Variants in PLEKHA5 observed in about 807,000 individuals in gnomAD.
The protein encoded by PLEKHA5 is pleckstrin homology domain containing A5.
A neutral mutation model predicts 181.9 loss-of-function variants in PLEKHA5; 55 were observed. The observed-to-expected ratio is 0.30, with a 90% CI of 0.24 to 0.38. The LOEUF is 0.38. Among genes scored for constraint, PLEKHA5 ranks in the 10% least tolerant of loss-of-function variants. The pLI is 1.00. For synonymous variants in PLEKHA5, 535 were observed against 529.4 expected, an observed-to-expected ratio of 1.01 and a Z score of -0.15; for missense variants, 1,432 against 1,549.5, an observed-to-expected ratio of 0.92 and a Z score of 1.27.
At chr12:19,212,048 C>T (rs2057020554) in intron 3 of PLEKHA5, among the ~76,000 whole-genome samples, 1 of 152,164 alleles carries the variant, frequency 6.6e-6, no homozygotes, top group Non-Finnish European at 1.5e-5. Context: ...TGCAGGAGCT[C>T]AGTCCAAACC....
rs771452533 is a variant in PLEKHA5, at chr12:19,298,987, TCA to T, written c.2037+7293_2037+7294del. 2.6e-5 allele frequency among the ~76,000 whole-genome samples: 4 copies of T among 152,366 alleles called. No individual in the cohort carries two copies. The East Asian group carries it at 7.7e-4, about 29-fold the overall frequency. On this transcript the variant is annotated intron_variant, in intron 15 of 31. Coordinates refer to ENST00000429027, the MANE Select transcript of PLEKHA5 (RefSeq NM_001256470.2). ...GCTGGGACAGCCTGACACCAGTCTC[TCA>T]CAGTCTGGCTGACTGATGAAGAAGA...
At chr12:19,229,646 T>C (rs1382581463) in intron 3 of PLEKHA5, among the ~76,000 whole-genome samples, 2 of 152,170 alleles carry the variant, frequency 1.3e-5, no homozygotes, top group Non-Finnish European at 2.9e-5. Context: ...CAGCAAGATA[T>C]ATCGCAAAGA....
intron 3 of PLEKHA5, chr12:19,207,484 TTTAAC>T (rs2055865821): frequency 6.6e-6 from 1 of 152,196 alleles, no homozygotes; most frequent in South Asian, 2.1e-4. Context: ...CATCTGCTCA[TTTAAC>T]TTAACATCTA....
chr12:19,200,469 T>C (rs1456975597), intron 3 of PLEKHA5: 1 of 1,414,318 alleles, frequency 7.1e-7, no homozygotes, highest in Non-Finnish European at 9.2e-7. Flanking sequence ...ATTGTCTTCG[T>C]TATCCAGTAG....
At chr12:19,352,276 T>C (rs1221963080) in intron 25 of PLEKHA5, among the ~76,000 whole-genome samples, 1 of 151,374 alleles carries the variant, frequency 6.6e-6, no homozygotes, top group East Asian at 2.0e-4. Context: ...TCCCACCTAC[T>C]CAGGAGGCTG....
chr12:19,291,521 TGTC>T (rs2078446608), intron 14 of PLEKHA5, 120 bp from the exon 15 acceptor site: 1 of 545,458 alleles, frequency 1.8e-6, no homozygotes, highest in East Asian at 3.1e-5. Flanking sequence ...GCGTGAAAGT[TGTC>T]GTGTACTGTG....
intron 3 of PLEKHA5, among the ~76,000 whole-genome samples, chr12:19,189,419 AT>A (rs2050577081): frequency 6.6e-6 from 1 of 152,118 alleles, no homozygotes; most frequent in Non-Finnish European, 1.5e-5. Flanking sequence ...ACTACATAGG[AT>A]TTCTTGGGTT....
At chr12:19,281,144 G>A (rs1248310175) in intron 11 of PLEKHA5, among the ~76,000 whole-genome samples, 1 of 151,502 alleles carries the variant, frequency 6.6e-6, no homozygotes, top group Non-Finnish European at 1.5e-5. Context: ...GCTGAGGCAG[G>A]AAGATCACTT....
chr12:19,226,230 T>G (rs2059668328), intron 3 of PLEKHA5, among the ~76,000 whole-genome samples: 1 of 152,208 alleles, frequency 6.6e-6, no homozygotes, highest in South Asian at 2.1e-4. Context: ...TCACTTAGCA[T>G]AATGGTTTTG....
chr12:19,239,272 G>T (rs915048144), intron 3 of PLEKHA5, among the ~76,000 whole-genome samples: 1 of 152,128 alleles, frequency 6.6e-6, no homozygotes, highest in African/African-American at 2.4e-5. Flanking sequence ...GCCCTGCGTT[G>T]TACTCTGCTG....
chr12:19,310,782 T>G (rs2086203936), intron 15 of PLEKHA5, among the ~76,000 whole-genome samples: 1 of 152,074 alleles, frequency 6.6e-6, no homozygotes, highest in Admixed American at 6.6e-5. Flanking sequence ...GGTTTTTTGT[T>G]TTTTTGTTTT....
intron 31 of PLEKHA5, among the ~76,000 whole-genome samples, chr12:19,370,361 G>A (rs569988195): frequency 2.2e-4 from 33 of 152,300 alleles, no homozygotes; most frequent in Admixed American, 1.8e-3. Context: ...GGAGAAGAAG[G>A]AATCCTTTCT....
chr12:19,274,911 C>G lies in PLEKHA5; in HGVS notation c.1241C>G (p.Thr414Arg). The G allele has an allele frequency of 6.2e-7, 1 of 1,613,816 alleles. No homozygotes were observed. The part of the protein sequence containing the change: ...YTEADRVIQR[T>R]NSMQQLEQWI... ...GAGGCCGATCGAGTCATACAGAGAA[C>G]AAATTCAATGCAGCAGTTGGAACAG... Residue 414 changes from threonine (T) to arginine (R), a missense_variant, in exon 11 of 32, where the codon ACA (threonine) becomes AGA (arginine). Thr to Arg is a moderately conservative substitution (Grantham distance 71). This residue lies in a region of PLEKHA5 where 1,143 missense variants were observed against 1,168.4 expected (regional missense o/e 0.98). Transcript: ENST00000429027.
intron 3 of PLEKHA5, among the ~76,000 whole-genome samples, chr12:19,148,674 A>G (rs1353817551): frequency 6.6e-6 from 1 of 152,246 alleles, no homozygotes; most frequent in Non-Finnish European, 1.5e-5. Flanking sequence ...AAACTTAATT[A>G]CTTAAACTCT....
At chr12:19,180,235 A>G (rs565964855) in intron 3 of PLEKHA5, among the ~76,000 whole-genome samples, 1 of 152,302 alleles carries the variant, frequency 6.6e-6, no homozygotes, top group South Asian at 2.1e-4. Context: ...AGGGATTAAC[A>G]GCTGAATATA....
intron 18 of PLEKHA5, among the ~76,000 whole-genome samples, chr12:19,321,234 G>A (rs1441655913): frequency 3.3e-5 from 5 of 150,894 alleles, no homozygotes; most frequent in Admixed American, 6.6e-5. Flanking sequence ...GATAAAGTTC[G>A]GCCTTTAGAA....
intron 21 of PLEKHA5, among the ~76,000 whole-genome samples, chr12:19,339,040 C>G (rs2093670880): frequency 6.6e-6 from 1 of 151,552 alleles, no homozygotes; most frequent in Admixed American, 6.6e-5. Flanking sequence ...TATTTTATAA[C>G]TTCTCTTTTT....
At chr12:19,263,293 G>T (rs563974993) in intron 7 of PLEKHA5, among the ~76,000 whole-genome samples, 1 of 152,004 alleles carries the variant, frequency 6.6e-6, no homozygotes, top group Non-Finnish European at 1.5e-5. Context: ...TTCATTGCAC[G>T]CGAGGGGAAA....
At chr12:19,329,241 G>A (rs985153668) in intron 20 of PLEKHA5, among the ~76,000 whole-genome samples, 2 of 152,136 alleles carry the variant, frequency 1.3e-5, no homozygotes, top group African/African-American at 4.8e-5. Flanking sequence ...TGGCTTGCTT[G>A]TATCTTGTTG....
Sources: gnomAD v4.1 joint callset for allele counts (sites outside exome capture counted in the v4.1 genomes callset) on GRCh38, gnomAD v4.1.1 for gene constraint, gnomAD v4.1.1 regional missense constraint, MANE v1.5 for transcripts, NCBI Gene and HGNC (gene_info 2026-07-23, HGNC 2026-07-21) for gene names.